The following TMEM164 variants were observed in gnomAD, a reference collection of about 807,000 sequenced individuals.
TMEM164 encodes the protein transmembrane protein 164, also known as RP13-360B22.2.
In TMEM164, 4 loss-of-function variants were observed where a neutral mutation model predicts 18.8. The observed-to-expected ratio is 0.21, with a 90% CI of 0.10 to 0.49. The LOEUF (loss-of-function observed/expected upper bound fraction) is 0.49, where lower values mean the gene tolerates loss of function less well. Ranked by LOEUF, TMEM164 falls within the 20% of genes least tolerant of loss-of-function variation. The pLI, the probability that TMEM164 is intolerant of heterozygous loss-of-function variation, is 0.98. For synonymous variants in TMEM164, 86 were observed against 101.7 expected (o/e 0.85, Z 0.93); for missense variants, 108 against 239.9 (o/e 0.45, Z 3.63).
intron 4 of TMEM164, among the ~76,000 whole-genome samples, chrX:110,126,035 G>A (rs1002083900): frequency 1.8e-5 from 2 of 112,328 alleles, no homozygotes; most frequent in Non-Finnish European, 3.8e-5. Context: ...CAGGGCGGGG[G>A]GCTTCCAGTG....
chrX:110,127,311 G>A (rs965777815), intron 4 of TMEM164, among the ~76,000 whole-genome samples: 3 of 111,313 alleles, frequency 2.7e-5, no homozygotes, highest in African/African-American at 6.6e-5. Flanking sequence ...TTGGCAGTTC[G>A]AGACCAGCCT....
chrX:110,091,248 G>A (rs1236460260), intron 3 of TMEM164, among the ~76,000 whole-genome samples: 3 of 112,449 alleles, frequency 2.7e-5, no homozygotes, highest in Non-Finnish European at 3.8e-5. Context: ...GGCTCAAATG[G>A]TATTTCTAGT....
Position 110,020,553 on chromosome X carries a change from C to T in TMEM164, c.390+16389C>T. 3 of 754,259 alleles carry T rather than the reference C, an allele frequency of 4.0e-6. No individual in the cohort carries two copies. In the South Asian group the frequency reaches 2.0e-4, roughly 51 times the overall value. 62.2% of individuals were successfully genotyped at this position (754,259 alleles called of 1,213,427 possible). On this transcript the variant is annotated intron_variant, in intron 2 of 6. Coordinates refer to ENST00000372068, the MANE Select transcript of TMEM164 (RefSeq NM_032227.4). ...CAGAAAGAAGACTCTGACGGAGCAG[C>T]CATCCAGGAAGTGGAATGAGATCCA...
At chrX:110,075,504 A>T (rs1290587630) in intron 3 of TMEM164, among the ~76,000 whole-genome samples, 1 of 111,388 alleles carries the variant, frequency 9.0e-6, no homozygotes. Flanking sequence ...GTTGAATAGG[A>T]ATGGTGAGAG....
At chrX:110,109,194 T>C in intron 4 of TMEM164, 48 bp downstream of exon 4, 1 of 1,098,124 alleles carries the variant, frequency 9.1e-7, no homozygotes, top group Non-Finnish European at 1.3e-6. Flanking sequence ...AAAGCAGTAC[T>C]TGCCTATATG....
chrX:110,066,707 G>A (rs968123560), intron 2 of TMEM164, among the ~76,000 whole-genome samples: 1 of 111,826 alleles, frequency 8.9e-6, no homozygotes, highest in South Asian at 3.7e-4. Context: ...AGGTATCAGG[G>A]AACTGATTTG....
rs1421919921 is a variant in TMEM164, at chrX:110,030,800, G to C, written c.390+26636G>C. On this transcript the variant is annotated intron_variant, in intron 2 of 6. Coordinates refer to ENST00000372068, the MANE Select transcript of TMEM164 (RefSeq NM_032227.4). ...CACTCCAGCCTGGGCGACAGAGCAAGACTCTGTCTCAAAAAAAAAAAAAAA... is the reference window on the plus strand; with the variant it reads ...CACTCCAGCCTGGGCGACAGAGCAACACTCTGTCTCAAAAAAAAAAAAAAA... Among the ~76,000 whole-genome samples the C allele has an allele frequency of 5.3e-5, 4 of 76,140 alleles. No homozygotes were observed. In the Admixed American group the frequency reaches 6.2e-4, roughly 12 times the overall value. 66.1% of individuals were successfully genotyped at this position (76,140 alleles called of 115,157 possible).
chrX:110,020,354 G>A (rs564685185), intron 2 of TMEM164: 2 of 753,148 alleles, frequency 2.7e-6, no homozygotes, highest in African/African-American at 4.6e-5. Context: ...ATTTTCAGAT[G>A]TTTGAGATGT....
intron 2 of TMEM164, among the ~76,000 whole-genome samples, chrX:110,050,398 G>C (rs924931545): frequency 5.4e-5 from 6 of 111,890 alleles, no homozygotes; most frequent in Admixed American, 9.5e-5. Flanking sequence ...GTACAGAAAG[G>C]CCCTTTTTCC....
intron 2 of TMEM164, chrX:110,020,523 G>A (rs1422600248): frequency 1.3e-6 from 1 of 752,721 alleles, no homozygotes; most frequent in Admixed American, 8.8e-5. Context: ...TGTCTCCTTT[G>A]GGAGCAGAAA....
At chrX:110,115,544 A>G (rs753365040) in intron 4 of TMEM164, among the ~76,000 whole-genome samples, 6 of 111,351 alleles carry the variant, frequency 5.4e-5, no homozygotes, top group East Asian at 2.8e-4. Flanking sequence ...GAATATGTCA[A>G]CTTAGTAGCT....
intron 3 of TMEM164, among the ~76,000 whole-genome samples, chrX:110,080,749 T>C (rs1352247406): frequency 8.9e-6 from 1 of 111,908 alleles, no homozygotes; most frequent in Non-Finnish European, 1.9e-5. Context: ...GACCACGTTT[T>C]GCTCTGTTGC....
At chrX:110,012,507 G>A (rs978404856) in intron 2 of TMEM164, among the ~76,000 whole-genome samples, 8 of 112,194 alleles carry the variant, frequency 7.1e-5, no homozygotes, top group African/African-American at 2.6e-4. Context: ...TGTGTCTAGT[G>A]TTTTTAAGCA....
At chrX:110,092,588 G>A (rs1404617596) in intron 3 of TMEM164, among the ~76,000 whole-genome samples, 63 of 112,237 alleles carry the variant, frequency 5.6e-4, no homozygotes, top group African/African-American at 1.8e-3. Context: ...GAAGTTGCTT[G>A]TCAGCTTAAA....
chrX:110,155,018 T>A (rs2066996999), intron 5 of TMEM164, among the ~76,000 whole-genome samples: 1 of 111,928 alleles, frequency 8.9e-6, no homozygotes, highest in African/African-American at 3.3e-5. Flanking sequence ...ATTGGGTTTG[T>A]ATAATTATTA....
intron 2 of TMEM164, chrX:110,046,033 G>T (rs969600384): frequency 3.3e-5 from 25 of 754,006 alleles, no homozygotes; most frequent in Non-Finnish European, 3.6e-5. Context: ...TATCAGACCA[G>T]ATCTAGGCTC....
chrX:110,158,230 A>G (rs1366422332), intron 5 of TMEM164, among the ~76,000 whole-genome samples: 3 of 111,542 alleles, frequency 2.7e-5, no homozygotes, highest in Non-Finnish European at 5.7e-5. Flanking sequence ...TGGCTATTGG[A>G]CAACATAGCT....
intron 4 of TMEM164, among the ~76,000 whole-genome samples, chrX:110,124,411 G>A (rs2066500853): frequency 8.9e-6 from 1 of 111,857 alleles, no homozygotes; most frequent in Non-Finnish European, 1.9e-5. Context: ...TACCTCAACA[G>A]GTGGCCTGCC....
intron 5 of TMEM164, among the ~76,000 whole-genome samples, chrX:110,158,014 G>GATCCT (rs2067041551): frequency 1.8e-5 from 2 of 111,022 alleles, no homozygotes; most frequent in Non-Finnish European, 3.8e-5. Context: ...AGCCTCCTGA[G>GATCCT]TAGCTGGATC....
Sources: allele counts gnomAD v4.1 joint callset (sites outside exome capture counted in the v4.1 genomes callset), GRCh38; gene constraint gnomAD v4.1.1; transcripts MANE v1.5; gene names NCBI Gene and HGNC (gene_info 2026-07-23, HGNC 2026-07-21).